Variants in NDUFA10 observed in about 807,000 individuals in gnomAD.
NDUFA10 encodes NADH:ubiquinone oxidoreductase subunit A10.
A neutral mutation model predicts 47.8 loss-of-function variants in NDUFA10; 40 were observed. The ratio of observed to expected loss-of-function variants is 0.84; its 90% CI spans 0.65 to 1.09. The LOEUF (loss-of-function observed/expected upper bound fraction) is 1.09. Among genes scored for constraint, NDUFA10 ranks in the 50% least tolerant of loss-of-function variants. The pLI is 0.00. For missense variants in NDUFA10, 413 were observed against 451.1 expected, an observed-to-expected ratio of 0.92 and a Z score of 0.76; for synonymous variants, 183 against 172.2, an observed-to-expected ratio of 1.06 and a Z score of -0.49.
At chr2:240,004,567 C>T (rs543705391) in intron 8 of NDUFA10, among the ~76,000 whole-genome samples, 134 of 151,768 alleles carry the variant, frequency 8.8e-4, no homozygotes, top group African/African-American at 3.0e-3. Flanking sequence ...CCTCTTCCAC[C>T]GCGGCCTCCC....
At chr2:239,971,360 C>G (rs1177609534) in intron 9 of NDUFA10, among the ~76,000 whole-genome samples, 1 of 152,232 alleles carries the variant, frequency 6.6e-6, no homozygotes, top group Non-Finnish European at 1.5e-5. Context: ...TGGCTTTTCT[C>G]TACTGAACAC....
chr2:240,020,380 G>T (rs1184917882), intron 3 of NDUFA10, among the ~76,000 whole-genome samples: 1 of 152,226 alleles, frequency 6.6e-6, no homozygotes, highest in East Asian at 1.9e-4. Context: ...GCCATTTGCT[G>T]CTACCTGTGA....
At chr2:239,983,526 G>T in intron 9 of NDUFA10, 1 of 1,601,354 alleles carries the variant, frequency 6.2e-7, no homozygotes, top group Non-Finnish European at 8.5e-7. Flanking sequence ...CTCAACAAAG[G>T]AACATAAAGG....
At chr2:239,995,163 A>G (rs1056554968) in intron 8 of NDUFA10, among the ~76,000 whole-genome samples, 9 of 152,162 alleles carry the variant, frequency 5.9e-5, no homozygotes, top group African/African-American at 2.2e-4. Flanking sequence ...AGTATCAGCT[A>G]CTTGGGAGGC....
chr2:239,959,233 C>A lies in NDUFA10; in HGVS notation c.*1885G>T. ...GATGATCAGAGCACCCGAGTCCACA[C>A]CATGCCGACACGGAGCCCTGCATGG... is the stretch of plus-strand genomic sequence containing the variant. On this transcript the variant is annotated 3_prime_UTR_variant, in exon 10 of 10. Coordinates refer to ENST00000252711, the MANE Select transcript of NDUFA10 (RefSeq NM_004544.4). The A allele has an allele frequency of 1.0e-6, 1 of 985,470 alleles. No individual in the cohort carries two copies. Among genetic ancestry groups the A allele is most frequent in the Non-Finnish European group, 1.2e-6 (1 of 829,946 alleles). The allele number at this position is 985,470 out of a possible 1,614,324, so 61.0% of individuals were successfully genotyped here.
intron 8 of NDUFA10, among the ~76,000 whole-genome samples, chr2:239,999,566 C>T (rs1048599649): frequency 7.2e-5 from 11 of 152,226 alleles, no homozygotes; most frequent in African/African-American, 1.9e-4. Flanking sequence ...CCAGTGCCCC[C>T]GCCCTCAACT....
At chr2:239,984,260 C>A (rs4854058) in intron 9 of NDUFA10, among the ~76,000 whole-genome samples, 42,699 of 151,442 alleles carry the variant, frequency 0.28, 6,829 homozygotes, top group East Asian at 0.38. Flanking sequence ...AAACAAAAAC[C>A]CAGTAAGTAT....
rs77398524 is a variant in NDUFA10 at position 239,896,704 on chromosome 2, T to A, written c.295-1390A>T. On this transcript the variant is annotated intron_variant, in intron 4 of 5. Transcript: ENST00000419408. The stretch of plus-strand genomic sequence containing the variant: ...ATAGAGGTAAAGGAAGTCTTCTTAG[T>A]TTAGAGTGAAGGATAGTCATATGTG... Among the ~76,000 whole-genome samples, 8 of 152,290 alleles carry A rather than the reference T, an allele frequency of 5.3e-5. No individual in the cohort carries two copies. In the East Asian group the frequency reaches 1.5e-3, roughly 29 times the overall value.
chr2:239,969,872 C>G, intron 9 of NDUFA10: 1 of 430,170 alleles, frequency 2.3e-6, no homozygotes, highest in Non-Finnish European at 4.8e-6. Flanking sequence ...AAGAAAAAGG[C>G]CAAAAACAAA....
intron 9 of NDUFA10, among the ~76,000 whole-genome samples, chr2:239,982,509 C>T (rs1260829071): frequency 3.9e-5 from 6 of 152,200 alleles, no homozygotes; most frequent in South Asian, 2.1e-4. Context: ...GTGGCCTCTG[C>T]GAGTTGAGGT....
At chr2:239,938,487 GAGA>G (rs981843112) in intron 4 of NDUFA10, among the ~76,000 whole-genome samples, 1 of 152,236 alleles carries the variant, frequency 6.6e-6, no homozygotes, top group African/African-American at 2.4e-5. Context: ...ATGATCAATG[GAGA>G]AGCTCTTCTA....
chr2:239,927,520 C>T lies in NDUFA10; in HGVS notation c.295-32206G>A, dbSNP rs1694084238. ...TGGCTGACTCACCGACCTAACGGTGCAGTCCTCAGGATGTATCCCCGTCAT... is the reference window on the plus strand; with the variant it reads ...TGGCTGACTCACCGACCTAACGGTGTAGTCCTCAGGATGTATCCCCGTCAT... On this transcript the variant is annotated intron_variant, in intron 4 of 5. Coordinates refer to the NDUFA10 transcript ENST00000419408. Among the ~76,000 whole-genome samples the T allele has an allele frequency of 3.3e-5, 5 of 152,318 alleles. No individual in the cohort carries two copies. The South Asian group carries it at 1.0e-3, about 32-fold the overall frequency.
intron 9 of NDUFA10, among the ~76,000 whole-genome samples, chr2:239,963,501 A>G (rs988316534): frequency 2.0e-5 from 3 of 152,128 alleles, no homozygotes; most frequent in Non-Finnish European, 4.4e-5. Context: ...CTATTTCTAG[A>G]CCGGGGAGCA....
intron 8 of NDUFA10, among the ~76,000 whole-genome samples, chr2:240,000,252 T>C (rs1003912197): frequency 1.8e-4 from 28 of 152,230 alleles, no homozygotes; most frequent in African/African-American, 6.5e-4. Context: ...GAAGGCATCA[T>C]TGTCACAGGA....
intron 8 of NDUFA10, among the ~76,000 whole-genome samples, chr2:239,993,586 G>T (rs919792813): frequency 6.6e-5 from 10 of 152,146 alleles, no homozygotes; most frequent in Admixed American, 2.0e-4. Flanking sequence ...ATGAAGATAG[G>T]CCACTCAAAG....
intron 4 of NDUFA10, among the ~76,000 whole-genome samples, chr2:239,909,132 G>C (rs1172944405): frequency 6.6e-6 from 1 of 152,154 alleles, no homozygotes; most frequent in Non-Finnish European, 1.5e-5. Flanking sequence ...TGGCTTACAG[G>C]CTGCTTCTGA....
intron 8 of NDUFA10, among the ~76,000 whole-genome samples, chr2:239,992,084 A>G (rs923053778): frequency 6.6e-6 from 1 of 152,264 alleles, no homozygotes; most frequent in Non-Finnish European, 1.5e-5. Context: ...GGAAGAGTCC[A>G]TGGTATATCT....
At chr2:239,985,736 C>T (rs1559356023) in intron 9 of NDUFA10, among the ~76,000 whole-genome samples, 1 of 152,014 alleles carries the variant, frequency 6.6e-6, no homozygotes, top group Non-Finnish European at 1.5e-5. Flanking sequence ...ATGGTGAAAA[C>T]TTGTCTCTAC....
intron 8 of NDUFA10, among the ~76,000 whole-genome samples, chr2:240,004,149 G>A (rs1298781248): frequency 1.3e-5 from 2 of 152,100 alleles, no homozygotes; most frequent in Non-Finnish European, 2.9e-5. Context: ...AGTGGGGGAG[G>A]AGGAGGGCAT....
Sources: gnomAD v4.1 joint callset for allele counts (sites outside exome capture counted in the v4.1 genomes callset) on GRCh38, gnomAD v4.1.1 for gene constraint, MANE v1.5 for transcripts, NCBI Gene and HGNC (gene_info 2026-07-23, HGNC 2026-07-21) for gene names.